The following ANKRD31 variants were observed in gnomAD, a reference collection of about 807,000 sequenced individuals.
ANKRD31 encodes ankyrin repeat domain 31.
A neutral mutation model predicts 186.0 loss-of-function variants in ANKRD31; 147 were observed. The observed-to-expected ratio is 0.79, with a 90% confidence interval of 0.69 to 0.91. ANKRD31 has a LOEUF of 0.91. Among genes scored for constraint, ANKRD31 ranks in the 40% least tolerant of loss-of-function variants. ANKRD31 has a pLI of 0.00. For missense variants in ANKRD31, 1,986 were observed against 2,148.8 expected (o/e 0.92, Z 1.50); for synonymous variants, 673 against 736.4 (o/e 0.91, Z 1.39).
At chr5:75,147,986 A>G (rs1375640678) in intron 13 of ANKRD31, among the ~76,000 whole-genome samples, 1 of 151,796 alleles carries the variant, frequency 6.6e-6, no homozygotes, top group Non-Finnish European at 1.5e-5. Context: ...TAAACTTTAC[A>G]AGAAGCTTTA....
chr5:75,156,632 C>G (rs1752197090), intron 11 of ANKRD31, among the ~76,000 whole-genome samples: 1 of 152,132 alleles, frequency 6.6e-6, no homozygotes, highest in South Asian at 2.1e-4. Context: ...TCTCAGTGAG[C>G]CTTAAATACC....
chr5:75,141,688 G>A (rs1251199559), intron 15 of ANKRD31, among the ~76,000 whole-genome samples: 1 of 151,950 alleles, frequency 6.6e-6, no homozygotes, highest in Non-Finnish European at 1.5e-5. Context: ...TGTAGTCCCA[G>A]TTACTGAGGG....
intron 2 of ANKRD31, among the ~76,000 whole-genome samples, chr5:75,224,149 ATATATATATATG>A (rs1297779146): frequency 0.021 from 1,134 of 55,094 alleles, 19 homozygotes; most frequent in African/African-American, 0.082. Flanking sequence ...ATATATATAT[ATATATATATATG>A]TATATATATA....
intron 15 of ANKRD31, among the ~76,000 whole-genome samples, chr5:75,142,816 C>G (rs1288910916): frequency 6.6e-6 from 1 of 152,062 alleles, no homozygotes; most frequent in South Asian, 2.1e-4. Flanking sequence ...ATTCTTACCT[C>G]TGGAGCAGTT....
At position 75,154,293 on chromosome 5, in the gene ANKRD31, T is replaced by A. The variant is rs768240858; in HGVS notation, c.1760A>T (p.Asp587Val). ...NGADPLFRND[D>V]GKCALDEAKD... ...GGCCTCATCCAAAGCACATTTTCCA[T>A]CATCATTTCTAAATAATGGATCAGC... is the stretch of plus-strand genomic sequence containing the variant. Residue 587 changes from aspartate to valine, a missense_variant, in exon 12 of 26, where the codon GAT (aspartate) becomes GTT (valine). Asp to Val is a radical substitution (Grantham distance 152). Coordinates refer to ENST00000506364, the MANE Select transcript of ANKRD31 (RefSeq NM_001372053.1). 1 of 1,536,060 alleles carries A rather than the reference T, an allele frequency of 6.5e-7. No homozygotes were observed. Among genetic ancestry groups the A allele is most frequent in the Non-Finnish European group, 8.7e-7 (1 of 1,146,216 alleles).
intron 17 of ANKRD31, among the ~76,000 whole-genome samples, chr5:75,134,969 C>G (rs1209119027): frequency 6.6e-6 from 1 of 152,184 alleles, no homozygotes; most frequent in Non-Finnish European, 1.5e-5. Flanking sequence ...AGTCAACAGC[C>G]TTCATGCTAA....
At chr5:75,118,977 T>G (rs557601566) in intron 17 of ANKRD31, among the ~76,000 whole-genome samples, 64 of 151,598 alleles carry the variant, frequency 4.2e-4, no homozygotes, top group African/African-American at 1.4e-3. Flanking sequence ...TAACATTCTA[T>G]TTAGACAATA....
Position 75,147,445 on chromosome 5 carries a change from G to C in ANKRD31, c.1966C>G (p.Gln656Glu), listed in dbSNP as rs752582870. 6.7e-7 allele frequency: 1 copy of C among 1,498,428 alleles called. No homozygotes were observed. Among genetic ancestry groups the C allele is most frequent in the African/African-American group, 1.4e-5 (1 of 70,686 alleles). The allele number at this position is 1,498,428 out of a possible 1,614,324, so 92.8% of individuals were successfully genotyped here. ...WHVYNENSNR[Q>E]KLEHVKVNKG... The stretch of plus-strand genomic sequence containing the variant: ...TTGACTTTTACATGTTCCAGCTTCT[G>C]TCTGTTGGAATTTTCATTATAAACA... Residue 656 changes from glutamine to glutamate, a missense_variant, in exon 14 of 26, where the codon CAG (glutamine) becomes GAG (glutamate). Physicochemically the swap from Gln to Glu is conservative, Grantham distance 29. Transcript: ENST00000506364.
intron 10 of ANKRD31, among the ~76,000 whole-genome samples, chr5:75,170,586 G>A (rs1376666464): frequency 6.6e-6 from 1 of 152,002 alleles, no homozygotes; most frequent in Non-Finnish European, 1.5e-5. Context: ...CTGAGGTTTG[G>A]TGTACAAATG....
rs551830276 is a variant in ANKRD31 at position 75,087,712 on chromosome 5, A to G, written c.5473-3338T>C. 3.3e-5 allele frequency among the ~76,000 whole-genome samples: 5 copies of G among 152,120 alleles called. No homozygotes were observed. The South Asian group carries it at 1.0e-3, about 32-fold the overall frequency. Reference sequence around the variant, plus strand: ...AAACTGTAGGTTTTCTTTTAAATTCATTGTAACACAAAATACATTGTGGCT... The same window carrying G: ...AAACTGTAGGTTTTCTTTTAAATTCGTTGTAACACAAAATACATTGTGGCT... On this transcript the variant is annotated intron_variant, in intron 23 of 25. Coordinates refer to ENST00000506364, the MANE Select transcript of ANKRD31 (RefSeq NM_001372053.1).
chr5:75,200,101 G>A (rs1041057168), intron 5 of ANKRD31, among the ~76,000 whole-genome samples: 1 of 152,056 alleles, frequency 6.6e-6, no homozygotes, highest in Non-Finnish European at 1.5e-5. Context: ...CCTTATAGGG[G>A]TCAAAAGGAC....
In ANKRD31 at chr5:75,222,316, T is replaced by C; in HGVS notation, c.221A>G (p.Glu74Gly). ...TTTATTCATTTGCTCTTGCAGATCC[T>C]CTCTGAGCTTAAATCCAAGTTGAAT... is the stretch of plus-strand genomic sequence containing the variant. Reference protein sequence around the residue: ...PEIQLGFKLREDLQEQMNKNK... With the variant: ...PEIQLGFKLRGDLQEQMNKNK... Residue 74 changes from glutamate (E) to glycine (G), a missense_variant, in exon 3 of 26, where the codon GAG becomes GGG. Glu to Gly is a moderately conservative substitution (Grantham distance 98, BLOSUM62 -2). Transcript: ENST00000506364. 2 of 1,536,832 alleles carry C rather than the reference T, an allele frequency of 1.3e-6. No individual in the cohort carries two copies. Among genetic ancestry groups the C allele is most frequent in the Admixed American group, 2.0e-5 (1 of 50,958 alleles).
At chr5:75,092,199 A>G (rs1304519230) in intron 22 of ANKRD31, among the ~76,000 whole-genome samples, 15 of 152,230 alleles carry the variant, frequency 9.9e-5, no homozygotes, top group Admixed American at 9.8e-4. Flanking sequence ...GGGCACTATC[A>G]GAAATAGTAG....
intron 1 of ANKRD31, among the ~76,000 whole-genome samples, chr5:75,234,906 T>TA (rs1204045213): frequency 6.6e-6 from 1 of 152,120 alleles, no homozygotes; most frequent in Non-Finnish European, 1.5e-5. Context: ...TGGATTCAAC[T>TA]AAACTATTTT....
intron 18 of ANKRD31, 130 bp from the exon 19 acceptor site, chr5:75,116,811 C>G: frequency 2.2e-6 from 1 of 447,138 alleles, no homozygotes; most frequent in Non-Finnish European, 3.7e-6. Flanking sequence ...AACCAACACT[C>G]ATCATCGTCA....
chr5:75,073,801 T>A, intron 25 of ANKRD31, among the ~76,000 whole-genome samples: 1 of 152,182 alleles, frequency 6.6e-6, no homozygotes, highest in Non-Finnish European at 1.5e-5. Flanking sequence ...GGTCTCTCTC[T>A]CCCTTAAAAA....
intron 18 of ANKRD31, among the ~76,000 whole-genome samples, chr5:75,117,199 T>C (rs1469295337): frequency 6.6e-6 from 1 of 152,158 alleles, no homozygotes; most frequent in Non-Finnish European, 1.5e-5. Context: ...AGTAGATATG[T>C]GGGAATAGAT....
At position 75,138,942 on chromosome 5, in the gene ANKRD31, C is replaced by T; in HGVS notation, c.3637G>A (p.Glu1213Lys). ...GRINKRNARG[E>K]SQLHLAVRRG... is the part of the protein sequence containing the mutation. The stretch of plus-strand genomic sequence containing the variant: ...CTGACAGCTAAATGAAGCTGGCTTT[C>T]CCCTCTGGCATTCCTCTTGTTGATC... The change falls in exon 16 of 26, where the codon GAA (glutamate) becomes AAA (lysine). Residue 1213 changes from glutamate to lysine, a missense_variant. Coordinates refer to ENST00000506364, the MANE Select transcript of ANKRD31 (RefSeq NM_001372053.1). 1 of 1,536,842 alleles carries T rather than the reference C, an allele frequency of 6.5e-7. No homozygotes were observed. The highest frequency in any genetic ancestry group is 8.7e-7 in the Non-Finnish European group (1 of 1,146,648).
At chr5:75,223,455 T>C (rs916960332) in intron 2 of ANKRD31, among the ~76,000 whole-genome samples, 1 of 152,172 alleles carries the variant, frequency 6.6e-6, no homozygotes, top group African/African-American at 2.4e-5. Context: ...ATAATACTAG[T>C]ACATAGTCCA....
Sources: gnomAD v4.1 joint callset for allele counts (sites outside exome capture counted in the v4.1 genomes callset) on GRCh38, gnomAD v4.1.1 for gene constraint, MANE v1.5 for transcripts, NCBI Gene and HGNC (gene_info 2026-07-23, HGNC 2026-07-21) for gene names.